CCL23: variants seen among roughly 807,000 people sequenced by gnomAD.
CCL23 encodes C-C motif chemokine 23.
Under a neutral mutation model 11.8 loss-of-function variants are expected in CCL23, and 10 were observed. The observed-to-expected ratio is 0.84, with a 90% CI of 0.52 to 1.43. The LOEUF is 1.43. Among genes scored for constraint, CCL23 ranks in the 40% most tolerant of loss-of-function variants. The probability of loss-of-function intolerance (pLI) is 0.00; values close to 1 mark genes in which losing one functional copy is unlikely to be tolerated. For synonymous variants in CCL23, 60 were observed against 61.0 expected, an observed-to-expected ratio of 0.98 and a Z score of 0.07; for missense variants, 181 against 170.9, an observed-to-expected ratio of 1.06 and a Z score of -0.33.
At position 36,017,175 on chromosome 17, in the gene CCL23, A is replaced by G. The variant is rs770653620; in HGVS notation, c.76+647T>C. Among the ~76,000 whole-genome samples, 2 of 152,140 alleles carry G rather than the reference A, an allele frequency of 1.3e-5. 1 individual carries two copies. The highest frequency in any genetic ancestry group is 2.9e-5 in the Non-Finnish European group (2 of 68,020). ...CAGTTTTCTCATTTGTAAAATGTCA[A>G]TAATAATAATATGAAAAACCATATA... On this transcript the variant is annotated intron_variant, in intron 1 of 3. Coordinates refer to ENST00000615050, the MANE Select transcript of CCL23 (RefSeq NM_005064.6).
chr17:36,015,113 A>G lies in CCL23; in HGVS notation c.77-720T>C, dbSNP rs147764492. Among the ~76,000 whole-genome samples the G allele has an allele frequency of 3.5e-3, 534 of 151,908 alleles. 1 individual carries two copies. Among genetic ancestry groups the G allele is most frequent in the Non-Finnish European group, 5.5e-3 (372 of 67,896 alleles). Reference sequence around the variant, plus strand: ...TGTATTCATTAAACAACAACTCCTCATGCTTCCTCCCCTTAATCCCTGACA... The same window carrying G: ...TGTATTCATTAAACAACAACTCCTCGTGCTTCCTCCCCTTAATCCCTGACA... On this transcript the variant is annotated intron_variant, in intron 1 of 3. Transcript: ENST00000615050.
intron 2 of CCL23, among the ~76,000 whole-genome samples, 157 bp downstream of exon 2, chr17:36,014,177 G>A (rs528943303): frequency 2.8e-5 from 4 of 142,160 alleles, no homozygotes; most frequent in Admixed American, 1.4e-4. Flanking sequence ...TCTATGGAGG[G>A]GGTTCCCATA....
chr17:36,017,185 T>C (rs117321474), intron 1 of CCL23, among the ~76,000 whole-genome samples: 3,471 of 152,204 alleles, frequency 0.023, 65 homozygotes, highest in East Asian at 0.031. Flanking sequence ...ATAATAATAA[T>C]ATGAAAAACC....
chr17:36,017,866 A>AGGCAGGAGAGGGCAGCCAC lies in CCL23; in HGVS notation c.13_31dup (p.Leu11ArgfsTer64). The AGGCAGGAGAGGGCAGCCAC allele has an allele frequency of 1.2e-6, 2 of 1,614,044 alleles. No homozygotes were observed. The highest frequency in any genetic ancestry group is 1.7e-6 in the Non-Finnish European group (2 of 1,180,002). ...GGATCCAAGGGCAGTAACAAGCATGAGGCAGGAGAGGGCAGCCACGGAGAC... is the reference window on the plus strand; with the variant it reads ...GGATCCAAGGGCAGTAACAAGCATGAGGCAGGAGAGGGCAGCCACGGCAGGAGAGGGCAGCCACGGAGAC... On this transcript the variant is annotated frameshift_variant, in exon 1 of 4. Coordinates refer to ENST00000615050, the MANE Select transcript of CCL23 (RefSeq NM_005064.6). LOFTEE classifies it high-confidence loss of function.
At chr17:36,015,324 A>G (rs2090089955) in intron 1 of CCL23, among the ~76,000 whole-genome samples, 1 of 152,202 alleles carries the variant, frequency 6.6e-6, no homozygotes, top group African/African-American at 2.4e-5. Flanking sequence ...TCAACATTCA[A>G]GGGAATCTCC....
intron 3 of CCL23, 128 bp from the exon 4 acceptor site, chr17:36,013,436 A>G: frequency 1.6e-6 from 1 of 635,632 alleles, no homozygotes; most frequent in Non-Finnish European, 2.7e-6. Context: ...TTTTTTTTTC[A>G]TTCTCTGCTG....
rs1343547932 is a variant in CCL23, at chr17:36,013,833, G to A, written c.213C>T (p.Cys71=). ...AAGFHATSAD[C]CISYTPRSIP... ...TGCTTCGTGGGGTGTAGGAGATGCA[G>A]CAGTCAGCACTAGTAGCATGGAATC... Residue 71 remains cysteine (C), a synonymous_variant, in exon 3 of 4, where the codon TGC becomes TGT. Transcript: ENST00000615050. The A allele has an allele frequency of 6.2e-7, 1 of 1,614,128 alleles. No individual in the cohort carries two copies. The highest frequency in any genetic ancestry group is 1.7e-5 in the Admixed American group (1 of 60,020).
In CCL23 at chr17:36,014,390, G is replaced by C. The variant is rs1057411066; in HGVS notation, c.80C>G (p.Ala27Gly). Residue 27 changes from alanine to glycine, a missense_variant, in exon 2 of 4, where the codon GCA becomes GGA. Coordinates refer to ENST00000615050, the MANE Select transcript of CCL23 (RefSeq NM_005064.6). ...CTTTGACATCATGAACTCTGTCTCT[G>C]CATCTGGAAGAAGCAGACAGGACAG... is the stretch of plus-strand genomic sequence containing the variant. ...LGSQARVTKDAETEFMMSKLP... is the reference protein window; with the variant it reads ...LGSQARVTKDGETEFMMSKLP... The C allele has an allele frequency of 1.2e-6, 2 of 1,612,612 alleles. No individual in the cohort carries two copies. The highest frequency in any genetic ancestry group is 1.7e-6 in the Non-Finnish European group (2 of 1,178,584).
At chr17:36,015,791 C>G (rs2090093296) in intron 1 of CCL23, among the ~76,000 whole-genome samples, 1 of 152,108 alleles carries the variant, frequency 6.6e-6, no homozygotes, top group South Asian at 2.1e-4. Flanking sequence ...AATCCCAGCA[C>G]TTTGGGAGGC....
intron 1 of CCL23, among the ~76,000 whole-genome samples, chr17:36,015,720 G>A (rs1347466875): frequency 6.6e-6 from 1 of 151,998 alleles, no homozygotes; most frequent in African/African-American, 2.4e-5. Context: ...TTCCACAATT[G>A]ACTGTCTCAC....
intron 3 of CCL23, 57 bp from the exon 4 acceptor site, chr17:36,013,365 AG>A: frequency 4.4e-6 from 5 of 1,139,744 alleles, no homozygotes; most frequent in Non-Finnish European, 2.6e-6. Context: ...ACATGGGGAC[AG>A]GGGGCCCCAT....
intron 1 of CCL23, among the ~76,000 whole-genome samples, chr17:36,016,470 G>A (rs1201313101): frequency 3.9e-5 from 6 of 152,044 alleles, no homozygotes; most frequent in Admixed American, 2.0e-4. Flanking sequence ...GATGGTTTCC[G>A]GCTTTATCCA....
At chr17:36,015,595 C>T (rs187545545) in intron 1 of CCL23, among the ~76,000 whole-genome samples, 12 of 152,314 alleles carry the variant, frequency 7.9e-5, no homozygotes, top group East Asian at 5.8e-4. Flanking sequence ...ATTCATCTAG[C>T]GCCAAGTGCT....
rs558476369 is a variant in CCL23 at position 36,015,060 on chromosome 17, G to A, written c.77-667C>T. Among the ~76,000 whole-genome samples, 23 of 152,058 alleles carry A rather than the reference G, an allele frequency of 1.5e-4. No homozygotes were observed. In the East Asian group the frequency reaches 3.3e-3, roughly 22 times the overall value. ...AAATAACTATGCAGTTTTCACGGCCGTTCATTCATTTTGTGAAACTGAAAC... is the reference window on the plus strand; with the variant it reads ...AAATAACTATGCAGTTTTCACGGCCATTCATTCATTTTGTGAAACTGAAAC... On this transcript the variant is annotated intron_variant, in intron 1 of 3. Transcript: ENST00000615050.
chr17:36,015,827 A>G (rs1301205617), intron 1 of CCL23, among the ~76,000 whole-genome samples: 2 of 152,090 alleles, frequency 1.3e-5, no homozygotes, highest in African/African-American at 4.8e-5. Flanking sequence ...ACTTGAGGTC[A>G]GGAGTTTGAG....
chr17:36,017,199 T>A (rs538720450), intron 1 of CCL23, among the ~76,000 whole-genome samples: 5 of 152,300 alleles, frequency 3.3e-5, no homozygotes, highest in South Asian at 2.1e-4. Context: ...AAAAACCATA[T>A]AAAAGTTGAT....
chr17:36,015,894 A>C (rs2090094337), intron 1 of CCL23, among the ~76,000 whole-genome samples: 1 of 151,710 alleles, frequency 6.6e-6, no homozygotes, highest in Non-Finnish European at 1.5e-5. Context: ...AAATACAAAA[A>C]TTAGCTAGGC....
Position 36,014,319 on chromosome 17 carries a change from T to C in CCL23, c.136+15A>G, listed in dbSNP as rs373941667. ...GCTGGCTGCTTTTAAATATATGCCG[T>C]ATCTGATCACTTACTGTCCAGAAGT... On this transcript the variant is annotated intron_variant, in intron 2 of 3. Transcript: ENST00000615050. 8.2e-6 allele frequency: 13 copies of C among 1,590,584 alleles called. No individual in the cohort carries two copies. The African/African-American group carries it at 1.7e-4, about 21-fold the overall frequency.
chr17:36,017,340 T>C (rs1264083785), intron 1 of CCL23, among the ~76,000 whole-genome samples: 1 of 152,176 alleles, frequency 6.6e-6, no homozygotes, highest in Non-Finnish European at 1.5e-5. Flanking sequence ...GCCCTGTACA[T>C]AGGAAGTACT....
Sources: gnomAD v4.1 joint callset for allele counts (sites outside exome capture counted in the v4.1 genomes callset) on GRCh38, gnomAD v4.1.1 for gene constraint, MANE v1.5 for transcripts, NCBI Gene and HGNC (gene_info 2026-07-23, HGNC 2026-07-21) for gene names.